The following GLYR1 variants were observed in gnomAD, a reference collection of about 807,000 sequenced individuals.
GLYR1 encodes cytokine-like nuclear factor N-PAC.
GLYR1 carries 21 observed loss-of-function variants against 72.7 expected under a neutral mutation model. The observed-to-expected ratio is 0.29, with a 90% confidence interval of 0.20 to 0.42. GLYR1 has a LOEUF of 0.42. Ranked by LOEUF, GLYR1 falls within the 10% of genes least tolerant of loss-of-function variation. The probability of loss-of-function intolerance (pLI) is 1.00; values close to 1 mark genes in which losing one functional copy is unlikely to be tolerated. For synonymous variants in GLYR1, 392 were observed against 270.2 expected (o/e 1.45, Z -4.42); for missense variants, 594 against 712.1 (o/e 0.83, Z 1.89).
At chr16:4,816,839 T>C (rs2083669025) in intron 10 of GLYR1, among the ~76,000 whole-genome samples, 1 of 151,914 alleles carries the variant, frequency 6.6e-6, no homozygotes, top group Non-Finnish European at 1.5e-5. Context: ...TACAAAAAAT[T>C]AGCCAGGTGT....
At position 4,841,651 on chromosome 16, in the gene GLYR1, G is replaced by GAAC. The variant is rs140268529; in HGVS notation, c.155+3420_155+3422dup. 5.6e-3 allele frequency among the ~76,000 whole-genome samples: 842 copies of GAAC among 150,104 alleles called. 9 individuals are homozygous for GAAC. Among genetic ancestry groups the GAAC allele is most frequent in the African/African-American group, 0.018 (749 of 40,716 alleles). On this transcript the variant is annotated intron_variant, in intron 3 of 15. Coordinates refer to ENST00000321919, the MANE Select transcript of GLYR1 (RefSeq NM_032569.4). ...AAAAAAAAATCAAGAAACCAAACAA[G>GAAC]AACAACAACAACAACAACAACAACA... is the stretch of plus-strand genomic sequence containing the variant.
chr16:4,823,693 T>TCTGTA (rs1162854097), intron 6 of GLYR1, 128 bp downstream of exon 6: 6 of 779,218 alleles, frequency 7.7e-6, no homozygotes, highest in Non-Finnish European at 1.3e-5. Flanking sequence ...TTCATAGACT[T>TCTGTA]CTGTACTGTT....
At chr16:4,833,368 G>T (rs555103443) in intron 3 of GLYR1, among the ~76,000 whole-genome samples, 1 of 152,314 alleles carries the variant, frequency 6.6e-6, no homozygotes, top group South Asian at 2.1e-4. Context: ...TTACTATGCA[G>T]GAAAATGCCT....
rs903408448 is a variant in GLYR1 at position 4,817,476 on chromosome 16, G to C, written c.906+122C>G. 329 of 652,924 alleles carry C rather than the reference G, an allele frequency of 5.0e-4. 2 individuals are homozygous for C. The highest frequency in any genetic ancestry group is 7.4e-5 in the Non-Finnish European group (27 of 364,348). 40.4% of individuals were successfully genotyped at this position (652,924 alleles called of 1,614,324 possible). On this transcript the variant is annotated intron_variant, in intron 10 of 15. Transcript: ENST00000321919. The stretch of plus-strand genomic sequence containing the variant: ...TAGGCATCTACATCTCTACCTGCCT[G>C]GACTAAAAGCTTGGCTTCTATTCTA...
chr16:4,815,317 G>C (rs2083568389), intron 10 of GLYR1, among the ~76,000 whole-genome samples: 1 of 151,982 alleles, frequency 6.6e-6, no homozygotes, highest in Non-Finnish European at 1.5e-5. Flanking sequence ...GCCCAGGCTG[G>C]ATGGGCCTAC....
intron 12 of GLYR1, among the ~76,000 whole-genome samples, chr16:4,813,015 T>C (rs2083416295): frequency 6.6e-6 from 1 of 150,712 alleles, no homozygotes; most frequent in Admixed American, 6.7e-5. Context: ...CAGGCTGGAG[T>C]GCAGTGGCAC....
chr16:4,821,177 T>A, intron 9 of GLYR1: 1 of 607,344 alleles, frequency 1.6e-6, no homozygotes, highest in Admixed American at 2.9e-5. Context: ...TCCCTCAGCT[T>A]ATGCCCAAGG....
chr16:4,821,289 A>G (rs1596338364), intron 9 of GLYR1, 91 bp downstream of exon 9: 1 of 1,290,442 alleles, frequency 7.7e-7, no homozygotes, highest in Non-Finnish European at 1.1e-6. Context: ...AATGGCTGGG[A>G]CACAACCCTT....
At chr16:4,836,778 T>C (rs1211129813) in intron 3 of GLYR1, among the ~76,000 whole-genome samples, 2 of 151,842 alleles carry the variant, frequency 1.3e-5, no homozygotes, top group Non-Finnish European at 2.9e-5. Context: ...TGTTGACAAG[T>C]TTTTGTTTTT....
chr16:4,812,079 G>GT lies in GLYR1; in HGVS notation c.1282+6dup, dbSNP rs755878997. ...GGCTCCAGGCCTGACAGGTGCAGGC[G>GT]TGTTACCTAGGAAGAAGGAGGTCTT... On this transcript the variant is annotated splice_region_variant and intron_variant, in intron 13 of 15. Coordinates refer to ENST00000321919, the MANE Select transcript of GLYR1 (RefSeq NM_032569.4). 1 of 1,612,370 alleles carries GT rather than the reference G, an allele frequency of 6.2e-7. No individual in the cohort carries two copies. Among genetic ancestry groups the GT allele is most frequent in the Non-Finnish European group, 8.5e-7 (1 of 1,179,160 alleles).
intron 3 of GLYR1, among the ~76,000 whole-genome samples, chr16:4,836,575 A>T (rs909138633): frequency 2.6e-5 from 4 of 152,198 alleles, no homozygotes; most frequent in African/African-American, 9.7e-5. Flanking sequence ...ACAGAGAAGG[A>T]AAGCGGATGT....
intron 5 of GLYR1, among the ~76,000 whole-genome samples, chr16:4,828,645 C>A (rs1219266274): frequency 1.3e-5 from 2 of 152,048 alleles, no homozygotes; most frequent in East Asian, 1.9e-4. Context: ...CGGCCAGTGT[C>A]TGCGAAACAA....
Position 4,812,187 on chromosome 16 carries a change from G to A in GLYR1, c.1181C>T (p.Ser394Phe). The change falls in exon 13 of 16, where the codon TCT becomes TTT. Residue 394 changes from serine (S) to phenylalanine (F), a missense_variant. By Grantham distance (155) the Ser-to-Phe change is radical (BLOSUM62 -2). This residue lies in a region of GLYR1 where 266 missense variants were observed against 358.4 expected (regional missense o/e 0.74). Transcript: ENST00000321919. ...EAPVSGNQQL[S>F]NDGMLVILAA... Reference sequence around the variant, plus strand: ...TAAGATCACCAACATCCCGTCATTAGACAGCTGCTGATTCCCTGAGACGGG... The same window carrying A: ...TAAGATCACCAACATCCCGTCATTAAACAGCTGCTGATTCCCTGAGACGGG... The A allele has an allele frequency of 1.2e-6, 2 of 1,614,136 alleles. No homozygotes were observed. Among genetic ancestry groups the A allele is most frequent in the South Asian group, 1.1e-5 (1 of 91,086 alleles).
chr16:4,828,195 G>A (rs1234117960), intron 5 of GLYR1, among the ~76,000 whole-genome samples: 1 of 151,508 alleles, frequency 6.6e-6, no homozygotes, highest in Non-Finnish European at 1.5e-5. Flanking sequence ...TCAGCCTCCT[G>A]AGTAGCTGGG....
chr16:4,811,938 C>G, intron 13 of GLYR1, 136 bp from the exon 14 acceptor site: 2 of 1,414,978 alleles, frequency 1.4e-6, no homozygotes, highest in South Asian at 2.7e-5. Flanking sequence ...ACTGGCTCTT[C>G]CTCCTTCCAC....
chr16:4,846,062 T>C lies in GLYR1; in HGVS notation c.75+112A>G, dbSNP rs140793344. On this transcript the variant is annotated intron_variant, in intron 2 of 15. Transcript: ENST00000321919. ...AGGGGAAAAAAAATTCTAAGTGCCA[T>C]CTGAATGAGCCCAATTTAACTCAAT... 4.2e-5 allele frequency: 50 copies of C among 1,197,356 alleles called. No individual in the cohort carries two copies. In the African/African-American group the frequency reaches 5.7e-4, roughly 14 times the overall value. 74.2% of individuals were successfully genotyped at this position (1,197,356 alleles called of 1,614,324 possible). A position where few individuals can be genotyped will look rare whatever the true frequency, so the allele number is the denominator to read the frequency against.
At position 4,842,256 on chromosome 16, in the gene GLYR1, AC is replaced by A. The variant is rs201066012; in HGVS notation, c.155+2817del. The stretch of plus-strand genomic sequence containing the variant: ...GAGACTCCGTTTCAAAAAAAAAAAA[AC>A]AACAACAAAAAAAAACAAACAGAAA... On this transcript the variant is annotated intron_variant, in intron 3 of 15. Coordinates refer to ENST00000321919, the MANE Select transcript of GLYR1 (RefSeq NM_032569.4). Among the ~76,000 whole-genome samples the A allele has an allele frequency of 2.3e-3, 349 of 148,998 alleles. 3 individuals are homozygous for A. Among genetic ancestry groups the A allele is most frequent in the African/African-American group, 8.1e-3 (326 of 40,210 alleles).
Position 4,811,724 on chromosome 16 carries a change from C to G in GLYR1, c.1361G>C (p.Gly454Ala). 6.2e-7 allele frequency: 1 copy of G among 1,614,138 alleles called. No individual in the cohort carries two copies. Among genetic ancestry groups the G allele is most frequent in the Non-Finnish European group, 8.5e-7 (1 of 1,180,006 alleles). The stretch of plus-strand genomic sequence containing the variant: ...GCCTGTCACCTGGGCCAGGGTCAGC[C>G]CCTCGGCAATAGTGGCCATGAAGCT... ...QGSFMATIAE[G>A]LTLAQVTGQS... is the part of the protein sequence containing the mutation. Residue 454 changes from glycine (G) to alanine (A), a missense_variant, in exon 14 of 16, where the codon GGG becomes GCG. Gly to Ala is a moderately conservative substitution (Grantham distance 60). This residue lies in a region of GLYR1 where 266 missense variants were observed against 358.4 expected (regional missense o/e 0.74). Coordinates refer to ENST00000321919, the MANE Select transcript of GLYR1 (RefSeq NM_032569.4).
In GLYR1 at chr16:4,805,131, G is replaced by C. The variant is rs2082894136; in HGVS notation, c.*105C>G. The C allele has an allele frequency of 3.4e-6, 3 of 888,668 alleles. No homozygotes were observed. Among genetic ancestry groups the C allele is most frequent in the South Asian group, 1.4e-5 (1 of 72,544 alleles). The allele number at this position is 888,668 out of a possible 1,614,324, so 55.0% of individuals were successfully genotyped here. On this transcript the variant is annotated 3_prime_UTR_variant, in exon 16 of 16. Coordinates refer to ENST00000321919, the MANE Select transcript of GLYR1 (RefSeq NM_032569.4). ...CTCAAAGTCTGTATAAAAGGAAATG[G>C]AGATAGGTGGGCTGGTCCAGAATGA...
Sources: allele counts gnomAD v4.1 joint callset (sites outside exome capture counted in the v4.1 genomes callset), GRCh38; gene constraint gnomAD v4.1.1; regional missense constraint gnomAD v4.1.1; transcripts MANE v1.5; gene names NCBI Gene and HGNC (gene_info 2026-07-23, HGNC 2026-07-21).